The following KDM5B variants were observed in gnomAD, a reference collection of about 807,000 sequenced individuals.
KDM5B encodes lysine demethylase 5B.
In KDM5B, 144 loss-of-function variants were observed where a neutral mutation model predicts 193.4. The ratio of observed to expected loss-of-function variants is 0.74; its 90% CI spans 0.65 to 0.86. The LOEUF is 0.86. KDM5B is among the 40% of genes least tolerant of loss of function. The pLI is 0.00. For synonymous variants in KDM5B, 668 were observed against 682.6 expected (o/e 0.98, Z 0.33); for missense variants, 1,833 against 1,886.9 (o/e 0.97, Z 0.53).
intron 12 of KDM5B, among the ~76,000 whole-genome samples, chr1:202,751,507 T>C (rs569685259): frequency 6.6e-6 from 1 of 152,254 alleles, no homozygotes; most frequent in East Asian, 1.9e-4. Context: ...TAAAGACTAC[T>C]ACCCATCACA....
Position 202,762,743 on chromosome 1 carries a change from C to A in KDM5B, c.874G>T (p.Glu292Ter). The change falls in exon 7 of 27, where the codon GAG becomes TAG. Residue 292 changes from glutamate to a stop codon, truncating the protein, a stop_gained. Coordinates refer to ENST00000367265, the MANE Select transcript of KDM5B (RefSeq NM_006618.5). LOFTEE classifies it high-confidence loss of function. ...IERKDYIVENEKEKPKSRSKK... is the reference protein window; with the variant it reads ...IERKDYIVEN The stretch of plus-strand genomic sequence containing the variant: ...GATCGACTCTTGGGCTTTTCCTTCT[C>A]ATTTTCTACAATATAATCTTTCCTC... The A allele has an allele frequency of 6.2e-7, 1 of 1,611,670 alleles. No homozygotes were observed. Among genetic ancestry groups the A allele is most frequent in the South Asian group, 1.1e-5 (1 of 91,026 alleles).
intron 11 of KDM5B, among the ~76,000 whole-genome samples, chr1:202,754,994 A>G (rs1248312900): frequency 1.3e-5 from 2 of 152,164 alleles, no homozygotes; most frequent in African/African-American, 4.8e-5. Context: ...CTAGACAAAG[A>G]CTTCCTTACT....
At position 202,729,954 on chromosome 1, in the gene KDM5B, T is replaced by A. The variant is rs142329523; in HGVS notation, c.4250A>T (p.Glu1417Val). The A allele has an allele frequency of 1.9e-6, 3 of 1,614,110 alleles. No individual in the cohort carries two copies. Among genetic ancestry groups the A allele is most frequent in the Non-Finnish European group, 1.7e-6 (2 of 1,179,990 alleles). ...ERKLKRRLER[E>V]GLSSERWERV... Reference sequence around the variant, plus strand: ...TTCCCACCGCTCACTGGAGAGGCCCTCTCTTTCCAGGCGTCTCTTCAGTTT... The same window carrying A: ...TTCCCACCGCTCACTGGAGAGGCCCACTCTTTCCAGGCGTCTCTTCAGTTT... The change falls in exon 26 of 27, where the codon GAG becomes GTG. Residue 1417 changes from glutamate (E) to valine (V), a missense_variant. Coordinates refer to ENST00000367265, the MANE Select transcript of KDM5B (RefSeq NM_006618.5).
At chr1:202,762,863 T>A (rs1572738762) in intron 6 of KDM5B, 55 bp from the exon 7 acceptor site, 1 of 422,620 alleles carries the variant, frequency 2.4e-6, no homozygotes, top group Admixed American at 3.5e-5. Context: ...CACTTCCTCA[T>A]CATCTCCCTC....
intron 1 of KDM5B, among the ~76,000 whole-genome samples, chr1:202,807,753 G>T (rs967243829): frequency 6.9e-6 from 1 of 144,378 alleles, no homozygotes; most frequent in Non-Finnish European, 1.5e-5. Context: ...CCGCGCCTCC[G>T]CCAGGCTCCG....
At chr1:202,761,920 A>C (rs895000422) in intron 7 of KDM5B, among the ~76,000 whole-genome samples, 2 of 152,178 alleles carry the variant, frequency 1.3e-5, no homozygotes, top group Non-Finnish European at 2.9e-5. Context: ...TTATTGTAGC[A>C]AATAAAAATC....
intron 11 of KDM5B, among the ~76,000 whole-genome samples, chr1:202,754,498 G>A (rs1312307953): frequency 6.6e-6 from 1 of 152,144 alleles, no homozygotes; most frequent in Non-Finnish European, 1.5e-5. Flanking sequence ...ACTCTACTGT[G>A]CATAGTGATA....
At chr1:202,762,088 A>G (rs1252492761) in intron 7 of KDM5B, among the ~76,000 whole-genome samples, 1 of 152,212 alleles carries the variant, frequency 6.6e-6, no homozygotes, top group East Asian at 1.9e-4. Context: ...GATCCTTTCT[A>G]ATGCCATCAG....
chr1:202,745,843 T>C lies in KDM5B; in HGVS notation c.2323+15A>G. The C allele has an allele frequency of 6.2e-7, 1 of 1,613,748 alleles. No homozygotes were observed. Among genetic ancestry groups the C allele is most frequent in the Non-Finnish European group, 8.5e-7 (1 of 1,179,726 alleles). On this transcript the variant is annotated intron_variant, in intron 16 of 26. Transcript: ENST00000367265. ...CCAATTTGCCAATCACCAAGTCACT[T>C]TCTGTATCACATACTTTTCTTCTTG...
chr1:202,768,881 C>T (rs1656586925), intron 4 of KDM5B, among the ~76,000 whole-genome samples: 1 of 151,638 alleles, frequency 6.6e-6, no homozygotes, highest in Non-Finnish European at 1.5e-5. Flanking sequence ...CCACGCCCGG[C>T]TGATTTTGTA....
intron 2 of KDM5B, among the ~76,000 whole-genome samples, chr1:202,775,891 T>C (rs1262472591): frequency 1.6e-5 from 2 of 124,488 alleles, no homozygotes; most frequent in Non-Finnish European, 3.3e-5. Flanking sequence ...TATATATATA[T>C]ATATATATAT....
chr1:202,757,213 C>A (rs1656057568), intron 9 of KDM5B, among the ~76,000 whole-genome samples: 1 of 152,166 alleles, frequency 6.6e-6, no homozygotes, highest in South Asian at 2.1e-4. Flanking sequence ...TGACAGGACG[C>A]AGAGCTCGGG....
intron 14 of KDM5B, among the ~76,000 whole-genome samples, chr1:202,747,935 A>C (rs957924009): frequency 6.6e-6 from 1 of 152,168 alleles, no homozygotes; most frequent in African/African-American, 2.4e-5. Context: ...ATGTACATTA[A>C]AAAAAGTAAA....
chr1:202,756,542 T>C, intron 9 of KDM5B, 26 bp from the exon 10 acceptor site: 1 of 1,549,748 alleles, frequency 6.5e-7, no homozygotes, highest in Non-Finnish European at 8.7e-7. Context: ...ATAGAAAAAA[T>C]GAGTTTCCTC....
At chr1:202,765,972 C>T (rs992674820) in intron 5 of KDM5B, among the ~76,000 whole-genome samples, 1 of 152,200 alleles carries the variant, frequency 6.6e-6, no homozygotes, top group African/African-American at 2.4e-5. Context: ...CCAGGGAAAG[C>T]TTCTCAGAGC....
intron 9 of KDM5B, among the ~76,000 whole-genome samples, chr1:202,757,793 T>C (rs1656079322): frequency 6.6e-6 from 1 of 152,164 alleles, no homozygotes; most frequent in African/African-American, 2.4e-5. Context: ...AAGAAAATCA[T>C]CCAATTAAAG....
intron 14 of KDM5B, among the ~76,000 whole-genome samples, chr1:202,748,067 G>C (rs1418687876): frequency 2.6e-5 from 4 of 152,130 alleles, no homozygotes; most frequent in African/African-American, 9.7e-5. Flanking sequence ...TAGATGCATA[G>C]ATCACCAGAA....
At chr1:202,768,792 A>G (rs1656582383) in intron 4 of KDM5B, among the ~76,000 whole-genome samples, 1 of 144,944 alleles carries the variant, frequency 6.9e-6, no homozygotes, top group South Asian at 2.1e-4. Flanking sequence ...ATCTCGGCTC[A>G]CTGCAACCTC....
chr1:202,773,344 T>C, intron 3 of KDM5B, 56 bp from the exon 4 acceptor site: 4 of 1,448,624 alleles, frequency 2.8e-6, no homozygotes, highest in Non-Finnish European at 3.8e-6. Flanking sequence ...TAATCACATC[T>C]AAGTATGACT....
Sources: allele counts gnomAD v4.1 joint callset (sites outside exome capture counted in the v4.1 genomes callset), GRCh38; gene constraint gnomAD v4.1.1; transcripts MANE v1.5; gene names NCBI Gene and HGNC (gene_info 2026-07-23, HGNC 2026-07-21).